The following PYGB variants were observed in gnomAD, a reference collection of about 807,000 sequenced individuals.
The protein encoded by PYGB is glycogen phosphorylase, brain form.
Under a neutral mutation model 94.3 loss-of-function variants are expected in PYGB, and 82 were observed. The observed-to-expected ratio is 0.87, with a 90% CI of 0.73 to 1.04. The LOEUF is 1.04. Ranked by LOEUF, PYGB falls within the 50% of genes least tolerant of loss-of-function variation. The pLI is 0.00. For missense variants in PYGB, 1,132 were observed against 1,158.2 expected, an observed-to-expected ratio of 0.98 and a Z score of 0.33; for synonymous variants, 488 against 479.1, an observed-to-expected ratio of 1.02 and a Z score of -0.24.
rs184989809 is a variant in PYGB at position 25,249,866 on chromosome 20, T to C, written c.243+1445T>C. ...CACAGCACCATTTTTTTTTTTTTTT[T>C]AATTCTGAGTCTTGCCCTGTAGCGT... is the stretch of plus-strand genomic sequence containing the variant. On this transcript the variant is annotated intron_variant, in intron 1 of 19. Transcript: ENST00000216962. 5.3e-3 allele frequency among the ~76,000 whole-genome samples: 797 copies of C among 151,708 alleles called. 2 individuals are homozygous for C. The highest frequency in any genetic ancestry group is 0.017 in the Middle Eastern group (5 of 294).
intron 5 of PYGB, among the ~76,000 whole-genome samples, chr20:25,275,095 G>A (rs1243327965): frequency 1.3e-5 from 2 of 152,222 alleles, no homozygotes; most frequent in Admixed American, 6.5e-5. Flanking sequence ...GACCCCCAGG[G>A]TGGGCGAAAA....
intron 2 of PYGB, among the ~76,000 whole-genome samples, chr20:25,267,966 C>G (rs2088232029): frequency 2.0e-5 from 3 of 152,128 alleles, no homozygotes; most frequent in African/African-American, 7.2e-5. Flanking sequence ...CGTAGCCTAT[C>G]TTTAGAAAAA....
intron 2 of PYGB, among the ~76,000 whole-genome samples, chr20:25,268,162 C>CCCCCG (rs142601763): frequency 0.029 from 207 of 7,096 alleles, 11 homozygotes; most frequent in Middle Eastern, 0.12. Flanking sequence ...CTAGCACCCG[C>CCCCCG]CCCCCCCCCA....
intron 15 of PYGB, among the ~76,000 whole-genome samples, chr20:25,289,506 C>T (rs2088446761): frequency 6.6e-6 from 1 of 151,874 alleles, no homozygotes; most frequent in Non-Finnish European, 1.5e-5. Context: ...ATTAGCTGGG[C>T]GTGGTGGTTC....
At chr20:25,264,014 G>C (rs1392422262) in intron 2 of PYGB, among the ~76,000 whole-genome samples, 1 of 150,240 alleles carries the variant, frequency 6.7e-6, no homozygotes, top group Non-Finnish European at 1.5e-5. Flanking sequence ...GATGAACATT[G>C]ATGCAAAAAT....
At chr20:25,286,517 G>T (rs1269485855) in intron 14 of PYGB, among the ~76,000 whole-genome samples, 1 of 152,200 alleles carries the variant, frequency 6.6e-6, no homozygotes, top group African/African-American at 2.4e-5. Context: ...CCTGTGGCGG[G>T]GCTGGGTGCT....
At chr20:25,251,128 C>G (rs1473643110) in intron 1 of PYGB, 1 of 152,244 alleles carries the variant, frequency 6.6e-6, no homozygotes, top group Admixed American at 6.5e-5. Flanking sequence ...GTCAAAACAT[C>G]TGGCTAACAT....
At chr20:25,277,221 G>T (rs1330247825) in intron 6 of PYGB, 23 bp from the exon 7 acceptor site, 2 of 1,529,898 alleles carry the variant, frequency 1.3e-6, no homozygotes, top group South Asian at 1.1e-5. Flanking sequence ...TGTGTGTGTT[G>T]ACCCCGCTCC....
chr20:25,268,500 A>G (rs1215242735), intron 2 of PYGB, among the ~76,000 whole-genome samples: 1 of 152,040 alleles, frequency 6.6e-6, no homozygotes, highest in Non-Finnish European at 1.5e-5. Flanking sequence ...TTTAATTTGT[A>G]ATTTGATAAA....
At position 25,291,452 on chromosome 20, in the gene PYGB, T is replaced by C. The variant is rs117831775; in HGVS notation, c.1969+830T>C. 1.8e-4 allele frequency among the ~76,000 whole-genome samples: 28 copies of C among 152,258 alleles called. No homozygotes were observed. In the East Asian group the frequency reaches 5.4e-3, roughly 29 times the overall value. ...GCAGGTGAGAGGGCTGATCTGCTGT[T>C]GTTCTGCAAGCTCCGTGGTGCAGGG... On this transcript the variant is annotated intron_variant, in intron 16 of 19. Transcript: ENST00000216962.
At chr20:25,262,863 CAAAG>C (rs758168417) in intron 2 of PYGB, among the ~76,000 whole-genome samples, 22 of 152,168 alleles carry the variant, frequency 1.4e-4, no homozygotes, top group Admixed American at 3.9e-4. Context: ...TCAAAAGAGA[CAAAG>C]AAGGCCATTA....
rs1568689254 is a variant in PYGB, at chr20:25,271,452, G to T, written c.494G>T (p.Gly165Val). The T allele has an allele frequency of 6.2e-7, 1 of 1,614,152 alleles. No individual in the cohort carries two copies. Among genetic ancestry groups the T allele is most frequent in the East Asian group, 2.2e-5 (1 of 44,888 alleles). Residue 165 changes from glycine (G) to valine (V), a missense_variant, in exon 4 of 20, where the codon GGG becomes GTG. Transcript: ENST00000216962. ...AYGYGIRYEF[G>V]IFNQKIVNGW... ...GGCTATGGAATCCGCTATGAATTTG[G>T]GATTTTTAACCAGAAGATTGTCAAT...
chr20:25,290,770 G>C (rs184514327), intron 16 of PYGB, 148 bp downstream of exon 16: 7 of 1,157,014 alleles, frequency 6.1e-6, no homozygotes, highest in Non-Finnish European at 8.7e-6. Flanking sequence ...GCAGGGAACG[G>C]CTTTAGGGAG....
intron 4 of PYGB, 126 bp from the exon 5 acceptor site, chr20:25,274,466 T>TGTA: frequency 7.6e-7 from 1 of 1,311,826 alleles, no homozygotes; most frequent in East Asian, 2.6e-5. Context: ...ACCTGGTAAG[T>TGTA]GGCTGTAGGT....
intron 5 of PYGB, 41 bp from the exon 6 acceptor site, chr20:25,276,605 G>GC: frequency 1.3e-6 from 2 of 1,556,202 alleles, no homozygotes; most frequent in South Asian, 2.2e-5. Flanking sequence ...GCCGGCGGGG[G>GC]CCCTTGCCAC....
chr20:25,277,752 A>T (rs2088326764), intron 7 of PYGB, among the ~76,000 whole-genome samples: 1 of 152,166 alleles, frequency 6.6e-6, no homozygotes, highest in African/African-American at 2.4e-5. Context: ...ATGCCTGGGG[A>T]CATTTGAAAG....
In PYGB at chr20:25,284,271, G is replaced by GCATGAC. The variant is rs2088397697; in HGVS notation, c.1768+22_1768+27dup. ...ACAATCGTGAGTGCCGGCATCACCTGCATGACCGCGCTGTGGGGCCCAAGG... is the reference window on the plus strand; with the variant it reads ...ACAATCGTGAGTGCCGGCATCACCTGCATGACCATGACCGCGCTGTGGGGCCCAAGG... On this transcript the variant is annotated intron_variant, in intron 14 of 19. Transcript: ENST00000216962. 1 of 1,606,962 alleles carries GCATGAC rather than the reference G, an allele frequency of 6.2e-7. No individual in the cohort carries two copies. Among genetic ancestry groups the GCATGAC allele is most frequent in the Admixed American group, 1.7e-5 (1 of 59,762 alleles).
intron 1 of PYGB, among the ~76,000 whole-genome samples, chr20:25,254,071 C>CAA (rs11350552): frequency 7.6e-4 from 99 of 129,668 alleles, no homozygotes; most frequent in African/African-American, 2.3e-3. Context: ...GACTCTGTCT[C>CAA]AAAAAAAAAA....
At position 25,296,467 on chromosome 20, in the gene PYGB, G is replaced by C; in HGVS notation, c.2477G>C (p.Trp826Ser). 1 of 1,613,942 alleles carries C rather than the reference G, an allele frequency of 6.2e-7. No individual in the cohort carries two copies. Among genetic ancestry groups the C allele is most frequent in the Admixed American group, 1.7e-5 (1 of 60,022 alleles). The change falls in exon 20 of 20, where the codon TGG becomes TCG. Residue 826 changes from tryptophan to serine, a missense_variant. Trp to Ser is a radical substitution (Grantham distance 177, BLOSUM62 -3). Transcript: ENST00000216962. Reference sequence around the variant, plus strand: ...ATCACGGAGTATGCACGGGAGATCTGGGGTGTGGAGCCCTCCGACCTGCAG... The same window carrying C: ...ATCACGGAGTATGCACGGGAGATCTCGGGTGTGGAGCCCTCCGACCTGCAG... The part of the protein sequence containing the change: ...RTITEYAREI[W>S]GVEPSDLQIP...
Sources: gnomAD v4.1 joint callset for allele counts (sites outside exome capture counted in the v4.1 genomes callset) on GRCh38, gnomAD v4.1.1 for gene constraint, MANE v1.5 for transcripts, NCBI Gene and HGNC (gene_info 2026-07-23, HGNC 2026-07-21) for gene names.